Variants in SND1 observed in about 807,000 individuals in gnomAD.
SND1 encodes staphylococcal nuclease domain-containing protein 1.
Under a neutral mutation model 121.7 loss-of-function variants are expected in SND1, and 38 were observed. That is an observed-to-expected ratio of 0.31 (90% CI 0.24 to 0.41). The LOEUF (loss-of-function observed/expected upper bound fraction) is 0.41. Ranked by LOEUF, SND1 falls within the 10% of genes least tolerant of loss-of-function variation. The pLI, the probability that SND1 is intolerant of heterozygous loss-of-function variation, is 1.00. For missense variants in SND1, 868 were observed against 1,184.6 expected (o/e 0.73, Z 3.92); for synonymous variants, 401 against 447.4 (o/e 0.90, Z 1.31).
intron 10 of SND1, among the ~76,000 whole-genome samples, chr7:127,766,414 G>T (rs1163799599): frequency 2.0e-5 from 3 of 152,198 alleles, no homozygotes; most frequent in African/African-American, 7.2e-5. Flanking sequence ...AGGAGTTAAA[G>T]CTTTGGATTC....
rs191959659 is a variant in SND1, at chr7:127,790,439, G to A, written c.1153-17045G>A. ...TTAAAGAGGAATCATAATATTGTTC[G>A]ACGCCCTGTGATAGCATCCATTGGC... On this transcript the variant is annotated intron_variant, in intron 10 of 23. Transcript: ENST00000354725. Among the ~76,000 whole-genome samples the A allele has an allele frequency of 2.5e-3, 384 of 152,248 alleles. 4 individuals are homozygous for A. Among genetic ancestry groups the A allele is most frequent in the Non-Finnish European group, 3.8e-3 (256 of 68,022 alleles).
intron 10 of SND1, among the ~76,000 whole-genome samples, chr7:127,788,122 G>C (rs891572096): frequency 5.9e-5 from 9 of 152,176 alleles, no homozygotes; most frequent in Non-Finnish European, 1.0e-4. Flanking sequence ...TTTACAGGCC[G>C]ATGGGCATTT....
At chr7:127,910,181 T>G (rs1800424971) in intron 14 of SND1, among the ~76,000 whole-genome samples, 1 of 152,188 alleles carries the variant, frequency 6.6e-6, no homozygotes, top group Non-Finnish European at 1.5e-5. Flanking sequence ...GGCTCACGCC[T>G]GTAATCCCAG....
At chr7:127,962,571 G>A (rs1013479682) in intron 15 of SND1, among the ~76,000 whole-genome samples, 43 of 152,154 alleles carry the variant, frequency 2.8e-4, no homozygotes, top group African/African-American at 9.4e-4. Context: ...GAATGCCCAT[G>A]TTTCCTATGT....
At chr7:127,658,526 T>C (rs1795251629) in intron 1 of SND1, among the ~76,000 whole-genome samples, 1 of 152,174 alleles carries the variant, frequency 6.6e-6, no homozygotes. Context: ...GAACTTGCCA[T>C]TGTTGATATT....
At chr7:127,881,223 C>T (rs936321253) in intron 12 of SND1, among the ~76,000 whole-genome samples, 1 of 152,052 alleles carries the variant, frequency 6.6e-6, no homozygotes, top group Non-Finnish European at 1.5e-5. Context: ...TACCACATTC[C>T]CCATCTCACC....
At chr7:127,716,829 T>C (rs1431193681) in intron 9 of SND1, among the ~76,000 whole-genome samples, 2 of 152,198 alleles carry the variant, frequency 1.3e-5, no homozygotes, top group African/African-American at 2.4e-5. Context: ...TGTGATAATA[T>C]GGAGAGAATC....
chr7:127,901,661 G>C (rs1800233986), intron 13 of SND1, among the ~76,000 whole-genome samples: 1 of 152,140 alleles, frequency 6.6e-6, no homozygotes, highest in Admixed American at 6.5e-5. Context: ...ACTACCTATT[G>C]TTAACTTTGA....
At chr7:127,985,423 A>G (rs558658701) in intron 15 of SND1, among the ~76,000 whole-genome samples, 1 of 152,164 alleles carries the variant, frequency 6.6e-6, no homozygotes, top group Admixed American at 6.5e-5. Context: ...ACACCCTGCC[A>G]ATTTTTGTAT....
At position 128,089,555 on chromosome 7, in the gene SND1, A is replaced by T. The variant is rs1793741631; in HGVS notation, c.2485A>T (p.Asn829Tyr). 1 of 1,614,216 alleles carries T rather than the reference A, an allele frequency of 6.2e-7. No homozygotes were observed. The highest frequency in any genetic ancestry group is 2.2e-5 in the East Asian group (1 of 44,878). The change falls in exon 22 of 24, where the codon AAC becomes TAC. Residue 829 changes from asparagine to tyrosine, a missense_variant. By Grantham distance (143) the Asn-to-Tyr change is moderately radical. Transcript: ENST00000354725. ...RDIQNTQCLL[N>Y]VEHLSAGCPH... ...TATCCAGAACACTCAGTGCCTGCTC[A>T]ACGTGGAACACCTGAGTGCCGGCTG...
chr7:128,092,328 T>TAAA lies in SND1; in HGVS notation c.*279_*281dup. On this transcript the variant is annotated 3_prime_UTR_variant, in exon 24 of 24. Coordinates refer to ENST00000354725, the MANE Select transcript of SND1 (RefSeq NM_014390.4). The surrounding 1 kb of genome is among the most constrained non-coding windows in gnomAD (Gnocchi z 4.9). The stretch of plus-strand genomic sequence containing the variant: ...TATTTGGAGGTTTGTGGGCTTTTTT[T>TAAA]AAAAAAAAAAAGTCCTCAAATCAGG... 3.1e-5 allele frequency: 12 copies of TAAA among 384,726 alleles called. No homozygotes were observed. Among genetic ancestry groups the TAAA allele is most frequent in the Middle Eastern group, 6.8e-4 (1 of 1,466 alleles). The allele number at this position is 384,726 out of a possible 1,614,324, so 23.8% of individuals were successfully genotyped here.
At chr7:127,821,048 G>A (rs1425657301) in intron 11 of SND1, among the ~76,000 whole-genome samples, 2 of 152,140 alleles carry the variant, frequency 1.3e-5, no homozygotes, top group Non-Finnish European at 2.9e-5. Context: ...GGATCCTCCC[G>A]AATGAACACT....
In SND1 at chr7:127,784,316, G is replaced by A. The variant is rs1177811350; in HGVS notation, c.1153-23168G>A. On this transcript the variant is annotated intron_variant, in intron 10 of 23. Coordinates refer to ENST00000354725, the MANE Select transcript of SND1 (RefSeq NM_014390.4). ...GTCTCTGCCGGGCAAACAAAGCGAG[G>A]CCCTTGCTAACTTGTCCCCTGGCTC... Among the ~76,000 whole-genome samples, 4 of 152,130 alleles carry A rather than the reference G, an allele frequency of 2.6e-5. No individual in the cohort carries two copies. The East Asian group carries it at 5.8e-4, about 22-fold the overall frequency.
chr7:128,060,625 A>G (rs543345538), intron 16 of SND1, among the ~76,000 whole-genome samples: 1 of 152,280 alleles, frequency 6.6e-6, no homozygotes, highest in South Asian at 2.1e-4. Context: ...TGGGCAATTG[A>G]GAGCAACTCC....
chr7:127,784,393 T>G (rs1176696978), intron 10 of SND1, among the ~76,000 whole-genome samples: 2 of 152,222 alleles, frequency 1.3e-5, no homozygotes, highest in African/African-American at 4.8e-5. Flanking sequence ...CTCTCCATTC[T>G]TTTCTACTGC....
chr7:127,807,708 T>A, intron 11 of SND1, 135 bp downstream of exon 11: 1 of 698,966 alleles, frequency 1.4e-6, no homozygotes, highest in Non-Finnish European at 2.5e-6. Context: ...TACTTTGATA[T>A]GAAGAGAGGC....
intron 2 of SND1, among the ~76,000 whole-genome samples, chr7:127,688,055 T>G (rs1795846947): frequency 6.6e-6 from 1 of 152,086 alleles, no homozygotes; most frequent in Admixed American, 6.5e-5. Context: ...ATTGCAAAAT[T>G]TTGTGTAAAC....
intron 11 of SND1, among the ~76,000 whole-genome samples, chr7:127,809,518 G>T (rs894455048): frequency 6.6e-6 from 1 of 152,212 alleles, no homozygotes; most frequent in Non-Finnish European, 1.5e-5. Flanking sequence ...TGCTGCCTCA[G>T]GGGAGTGGCT....
intron 16 of SND1, among the ~76,000 whole-genome samples, chr7:128,035,873 C>T (rs1792740787): frequency 6.6e-6 from 1 of 152,154 alleles, no homozygotes; most frequent in Non-Finnish European, 1.5e-5. Flanking sequence ...CTAGACCACT[C>T]CCTAACCTGA....
Sources: allele counts gnomAD v4.1 joint callset (sites outside exome capture counted in the v4.1 genomes callset), GRCh38; gene constraint gnomAD v4.1.1; non-coding constraint Gnocchi (gnomAD v3.1); transcripts MANE v1.5; gene names NCBI Gene and HGNC (gene_info 2026-07-23, HGNC 2026-07-21).